The following GPALPP1 variants were observed in gnomAD, a reference collection of about 807,000 sequenced individuals.
GPALPP1 encodes GPALPP motifs-containing protein 1.
GPALPP1 carries 30 observed loss-of-function variants against 38.9 expected under a neutral mutation model. The observed-to-expected ratio is 0.77, with a 90% CI of 0.58 to 1.05. The LOEUF (loss-of-function observed/expected upper bound fraction) is 1.05, where lower values mean the gene tolerates loss of function less well. GPALPP1 is among the 50% of genes least tolerant of loss of function. GPALPP1 has a pLI of 0.00. For missense variants in GPALPP1, 384 were observed against 408.8 expected (o/e 0.94, Z 0.52); for synonymous variants, 120 against 139.2 (o/e 0.86, Z 0.97).
rs997872756 is a variant in GPALPP1 at position 45,015,075 on chromosome 13, G to A, written c.532G>A (p.Gly178Arg). Residue 178 changes from glycine to arginine, a missense_variant, in exon 5 of 8, where the codon GGA (glycine) becomes AGA (arginine). Physicochemically the swap from Gly to Arg is moderately radical, Grantham distance 125. Transcript: ENST00000379151. ...AQRMKEKLTK[G>R]DDDSSKPIVR... ...GAGAATGAAAGAAAAACTGACCAAA[G>A]GAGATGATGTAAGTTTTAAAAACAC... 4 of 1,593,082 alleles carry A rather than the reference G, an allele frequency of 2.5e-6. No individual in the cohort carries two copies. In the African/African-American group the frequency reaches 5.4e-5, roughly 22 times the overall value.
In GPALPP1 at chr13:45,015,607, T is replaced by C. The variant is rs113917061; in HGVS notation, c.705+11T>C. On this transcript the variant is annotated intron_variant, in intron 6 of 7. Coordinates refer to ENST00000379151, the MANE Select transcript of GPALPP1 (RefSeq NM_018559.5). ...GAAAGGAAAGCTAAGGTGAGAGGTT[T>C]TGTTTGTTTGTTCATGTATTTCTGT... The C allele has an allele frequency of 1.2e-5, 17 of 1,445,484 alleles. No homozygotes were observed. The highest frequency in any genetic ancestry group is 1.0e-4 in the African/African-American group (7 of 68,640). 89.5% of individuals were successfully genotyped at this position (1,445,484 alleles called of 1,614,324 possible). A position where few individuals can be genotyped will look rare whatever the true frequency, so the allele number is the denominator to read the frequency against.
At chr13:45,011,611 G>T (rs1280136052) in intron 4 of GPALPP1, among the ~76,000 whole-genome samples, 1 of 152,054 alleles carries the variant, frequency 6.6e-6, no homozygotes, top group East Asian at 1.9e-4. Flanking sequence ...AACAGGATGG[G>T]GGAAACCACC....
rs1566084438 is a variant in GPALPP1 at position 45,024,162 on chromosome 13, T to TGTGTGTGTGTGC, written c.805-3612_805-3611insCGTGTGTGTGTG. Among the ~76,000 whole-genome samples the TGTGTGTGTGTGC allele has an allele frequency of 8.5e-4, 17 of 20,040 alleles. No homozygotes were observed. The East Asian group carries it at 0.018, about 21-fold the overall frequency. The allele number at this position is 20,040 out of a possible 152,430, so 13.1% of individuals were successfully genotyped here. On this transcript the variant is annotated intron_variant, in intron 7 of 7. Coordinates refer to ENST00000379151, the MANE Select transcript of GPALPP1 (RefSeq NM_018559.5). ...CCCTAAAACTCTGTGTGTGTGTGTGTGTGTGTGTGTGTGTGTGTGTGTGTG... is the reference window on the plus strand; with the variant it reads ...CCCTAAAACTCTGTGTGTGTGTGTGTGTGTGTGTGTGCGTGTGTGTGTGTGTGTGTGTGTGTG...
intron 7 of GPALPP1, among the ~76,000 whole-genome samples, chr13:45,023,751 G>C (rs1278573665): frequency 6.6e-6 from 1 of 152,280 alleles, no homozygotes; most frequent in East Asian, 1.9e-4. Flanking sequence ...CACTAGCAAG[G>C]AAAGATGTGA....
intron 6 of GPALPP1, 25 bp downstream of exon 6, chr13:45,015,621 A>G: frequency 1.4e-6 from 2 of 1,403,236 alleles, no homozygotes; most frequent in Non-Finnish European, 1.9e-6. Flanking sequence ...TTGTTTGTTC[A>G]TGTATTTCTG....
intron 1 of GPALPP1, among the ~76,000 whole-genome samples, chr13:44,997,724 G>A (rs940215592): frequency 2.0e-5 from 3 of 152,080 alleles, no homozygotes; most frequent in African/African-American, 4.8e-5. Flanking sequence ...TCTGAGAGGA[G>A]TGCTTACATC....
chr13:45,023,343 C>A (rs751774776), intron 7 of GPALPP1, among the ~76,000 whole-genome samples: 1 of 151,224 alleles, frequency 6.6e-6, no homozygotes, highest in Non-Finnish European at 1.5e-5. Flanking sequence ...AAGTTTATTT[C>A]TTTTATCATC....
chr13:45,009,143 G>A (rs950848977), intron 4 of GPALPP1: 3 of 503,892 alleles, frequency 6.0e-6, no homozygotes, highest in Non-Finnish European at 1.1e-5. Context: ...TCTTTGAAGG[G>A]GGACTTTAAG....
At chr13:45,030,987 C>T (rs1876168233), downstream of GPALPP1, 1 of 152,078 alleles carries the variant, frequency 6.6e-6, no homozygotes, top group Non-Finnish European at 1.5e-5. Flanking sequence ...GAAATCCTGT[C>T]TCTATTAAAA....
intron 1 of GPALPP1, among the ~76,000 whole-genome samples, chr13:45,003,543 T>C (rs1040199558): frequency 6.6e-6 from 1 of 152,192 alleles, no homozygotes; most frequent in Non-Finnish European, 1.5e-5. Flanking sequence ...TTGGGAACTA[T>C]GATAGTAGGC....
chr13:45,006,559 G>A (rs1025167985), intron 3 of GPALPP1, among the ~76,000 whole-genome samples: 3 of 152,134 alleles, frequency 2.0e-5, no homozygotes, highest in Non-Finnish European at 4.4e-5. Flanking sequence ...TGTGGTAAAC[G>A]AGGTGGATCA....
chr13:44,992,125 C>T (rs1371854957), intron 1 of GPALPP1, among the ~76,000 whole-genome samples: 4 of 152,132 alleles, frequency 2.6e-5, no homozygotes, highest in Non-Finnish European at 5.9e-5. Flanking sequence ...AAGTTCTCAG[C>T]GTGTATGAGA....
chr13:45,006,128 A>T (rs534235101), intron 2 of GPALPP1, 74 bp from the exon 3 acceptor site: 75 of 769,040 alleles, frequency 9.8e-5, no homozygotes, highest in Admixed American at 5.2e-4. Context: ...ATGCTTTTTT[A>T]AAAAAAATTA....
chr13:45,025,116 C>T (rs1875744602), intron 7 of GPALPP1, among the ~76,000 whole-genome samples: 1 of 151,970 alleles, frequency 6.6e-6, no homozygotes. Context: ...ACCACTTGTA[C>T]CCCTAAAGCT....
chr13:45,028,364 C>T lies in GPALPP1; in HGVS notation c.*361C>T, dbSNP rs1875990979. 1 of 159,144 alleles carries T rather than the reference C, an allele frequency of 6.3e-6. No individual in the cohort carries two copies. The highest frequency in any genetic ancestry group is 6.5e-5 in the Admixed American group (1 of 15,486). The allele number at this position is 159,144 out of a possible 1,614,324, so 9.9% of individuals were successfully genotyped here. ...GTTTGTATGTTAAACAAAATCCCAA[C>T]TAGGAAATGTTTGTTGCTTAGAAAG... On this transcript the variant is annotated 3_prime_UTR_variant, in exon 8 of 8. Coordinates refer to ENST00000379151, the MANE Select transcript of GPALPP1 (RefSeq NM_018559.5).
intron 7 of GPALPP1, 70 bp from the exon 8 acceptor site, chr13:45,027,715 C>A: frequency 2.7e-6 from 2 of 734,260 alleles, no homozygotes; most frequent in Non-Finnish European, 4.7e-6. Context: ...TATTCCGTTT[C>A]ATGGTCATAT....
chr13:45,013,458 A>G (rs961430555), intron 4 of GPALPP1, among the ~76,000 whole-genome samples: 1 of 152,240 alleles, frequency 6.6e-6, no homozygotes, highest in African/African-American at 2.4e-5. Flanking sequence ...AAATTGTGTC[A>G]TGTCCATGCC....
rs904400330 is a variant in GPALPP1 at position 45,023,468 on chromosome 13, T to C, written c.804+3040T>C. Among the ~76,000 whole-genome samples the C allele has an allele frequency of 2.0e-5, 3 of 152,234 alleles. No individual in the cohort carries two copies. The South Asian group carries it at 6.2e-4, about 31-fold the overall frequency. Reference sequence around the variant, plus strand: ...TTACTAATATAAGGAATCAGTACATTGAAACCTGACATCTTTATTTCTCCA... The same window carrying C: ...TTACTAATATAAGGAATCAGTACATCGAAACCTGACATCTTTATTTCTCCA... On this transcript the variant is annotated intron_variant, in intron 7 of 7. Coordinates refer to ENST00000379151, the MANE Select transcript of GPALPP1 (RefSeq NM_018559.5).
chr13:44,989,571 T>C lies in GPALPP1; in HGVS notation c.-84T>C. 6.7e-7 allele frequency: 1 copy of C among 1,485,788 alleles called. No individual in the cohort carries two copies. The highest frequency in any genetic ancestry group is 1.8e-5 in the Admixed American group (1 of 56,572). The allele number at this position is 1,485,788 out of a possible 1,614,324, so 92.0% of individuals were successfully genotyped here. The stretch of plus-strand genomic sequence containing the variant: ...TCGGCGCCGGGAAACCTGCCATTCT[T>C]CGCTGCTGATCGCGGGATTCTTTTT... On this transcript the variant is annotated 5_prime_UTR_variant, in exon 1 of 8. Transcript: ENST00000379151.
Sources: gnomAD v4.1 joint callset for allele counts (sites outside exome capture counted in the v4.1 genomes callset) on GRCh38, gnomAD v4.1.1 for gene constraint, MANE v1.5 for transcripts, NCBI Gene and HGNC (gene_info 2026-07-23, HGNC 2026-07-21) for gene names.